The following NCKAP5 variants were observed in gnomAD, a reference collection of about 807,000 sequenced individuals.
NCKAP5 encodes nck-associated protein 5.
Under a neutral mutation model 167.0 loss-of-function variants are expected in NCKAP5, and 92 were observed. The ratio of observed to expected loss-of-function variants is 0.55; its 90% CI spans 0.47 to 0.66. NCKAP5 has a LOEUF of 0.66. Ranked by LOEUF, NCKAP5 falls within the 30% of genes least tolerant of loss-of-function variation. The pLI is 0.00. For missense variants in NCKAP5, 2,378 were observed against 2,315.0 expected, an observed-to-expected ratio of 1.03 and a Z score of -0.56; for synonymous variants, 891 against 877.4, an observed-to-expected ratio of 1.02 and a Z score of -0.27.
chr2:132,773,762 G>T, intron 16 of NCKAP5, 54 bp downstream of exon 16: 1 of 1,351,708 alleles, frequency 7.4e-7, no homozygotes, highest in Non-Finnish European at 1.0e-6. Context: ...TCTGGAAGAA[G>T]GATACATTTA....
At chr2:133,527,007 A>G (rs555274695) in intron 2 of NCKAP5, 4 of 152,220 alleles carry the variant, frequency 2.6e-5, no homozygotes, top group African/African-American at 9.6e-5. Flanking sequence ...ACATCCAAAT[A>G]TGTGGGATGC....
At chr2:132,827,583 C>A (rs1687219901) in intron 11 of NCKAP5, among the ~76,000 whole-genome samples, 1 of 152,118 alleles carries the variant, frequency 6.6e-6, no homozygotes, top group South Asian at 2.1e-4. Flanking sequence ...GCATTATTAG[C>A]CACATTTTAC....
intron 4 of NCKAP5, among the ~76,000 whole-genome samples, chr2:133,260,991 G>T (rs1387543815): frequency 6.6e-6 from 1 of 152,094 alleles, no homozygotes; most frequent in South Asian, 2.1e-4. Context: ...AAATAAACCA[G>T]AAAAATTACT....
At chr2:133,015,372 C>T (rs868765645) in intron 6 of NCKAP5, among the ~76,000 whole-genome samples, 39 of 151,444 alleles carry the variant, frequency 2.6e-4, no homozygotes, top group Middle Eastern at 3.4e-3. Flanking sequence ...TTTTTTTTCT[C>T]CTGGAGACAT....
chr2:132,942,132 T>A (rs1021497306), intron 8 of NCKAP5, among the ~76,000 whole-genome samples: 2 of 152,244 alleles, frequency 1.3e-5, no homozygotes, highest in Admixed American at 1.3e-4. Context: ...TTGATAAACA[T>A]ATCTTAATTG....
chr2:132,988,956 G>A (rs904595834), intron 7 of NCKAP5, among the ~76,000 whole-genome samples: 11 of 152,180 alleles, frequency 7.2e-5, no homozygotes, highest in South Asian at 2.1e-4. Flanking sequence ...CTTGGTAGTC[G>A]CAGAAGCTGT....
At chr2:133,453,232 T>C (rs766227892) in intron 3 of NCKAP5, among the ~76,000 whole-genome samples, 6 of 152,078 alleles carry the variant, frequency 3.9e-5, no homozygotes, top group Admixed American at 2.0e-4. Context: ...AACTAGAAAA[T>C]CCTGAAAGCA....
chr2:133,021,765 G>A (rs1280374078), intron 6 of NCKAP5, among the ~76,000 whole-genome samples: 5 of 152,134 alleles, frequency 3.3e-5, no homozygotes, highest in African/African-American at 1.2e-4. Context: ...CAAGTAGCTG[G>A]GATTACAGGT....
chr2:133,154,452 G>C (rs1038609885), intron 5 of NCKAP5, among the ~76,000 whole-genome samples: 1 of 152,202 alleles, frequency 6.6e-6, no homozygotes, highest in Non-Finnish European at 1.5e-5. Flanking sequence ...GTTGTTATTA[G>C]CACTGGTACA....
intron 11 of NCKAP5, among the ~76,000 whole-genome samples, chr2:132,815,461 G>C (rs1456521596): frequency 6.6e-6 from 1 of 152,108 alleles, no homozygotes; most frequent in Non-Finnish European, 1.5e-5. Context: ...TTAGACTGTG[G>C]GTTGGAGACT....
chr2:133,147,098 C>T (rs1478665463), intron 5 of NCKAP5, among the ~76,000 whole-genome samples: 1 of 152,156 alleles, frequency 6.6e-6, no homozygotes, highest in Non-Finnish European at 1.5e-5. Flanking sequence ...CACTTCTATG[C>T]AATAGCTCAA....
intron 18 of NCKAP5, among the ~76,000 whole-genome samples, chr2:132,726,047 C>T (rs77853449): frequency 3.3e-5 from 5 of 152,156 alleles, no homozygotes; most frequent in East Asian, 1.9e-4. Flanking sequence ...AAGGTCCCCA[C>T]GGTTACCTGG....
upstream of NCKAP5, among the ~76,000 whole-genome samples, chr2:133,569,200 T>G (rs1441420798): frequency 6.6e-6 from 1 of 152,014 alleles, no homozygotes; most frequent in African/African-American, 2.4e-5. Context: ...AAAGTGGGCC[T>G]TTTCTCCCCT....
chr2:133,005,844 T>C (rs2077947728), intron 6 of NCKAP5, among the ~76,000 whole-genome samples: 1 of 152,226 alleles, frequency 6.6e-6, no homozygotes, highest in African/African-American at 2.4e-5. Flanking sequence ...GAGGCCGTTC[T>C]CTTCTAGAAA....
chr2:133,344,015 G>C (rs1407634763), intron 3 of NCKAP5, among the ~76,000 whole-genome samples: 1 of 152,196 alleles, frequency 6.6e-6, no homozygotes, highest in Admixed American at 6.5e-5. Context: ...GTTGGGTAAG[G>C]GGCCAGAGAC....
intron 11 of NCKAP5, among the ~76,000 whole-genome samples, chr2:132,825,934 C>T (rs1687094425): frequency 6.6e-6 from 1 of 152,130 alleles, no homozygotes; most frequent in Non-Finnish European, 1.5e-5. Flanking sequence ...TGATGTAGTC[C>T]CTTCCAGGCA....
At chr2:132,735,702 C>G (rs1199133312) in intron 16 of NCKAP5, among the ~76,000 whole-genome samples, 1 of 152,170 alleles carries the variant, frequency 6.6e-6, no homozygotes, top group Non-Finnish European at 1.5e-5. Context: ...GCACTTAATC[C>G]AGTCTCCTCA....
chr2:132,834,706 C>A (rs1314966682), intron 11 of NCKAP5, among the ~76,000 whole-genome samples: 2 of 152,154 alleles, frequency 1.3e-5, no homozygotes, highest in Admixed American at 6.6e-5. Context: ...CCAGGCTAGT[C>A]TTGAACTGCT....
At chr2:132,840,330 C>T (rs948890124) in intron 11 of NCKAP5, among the ~76,000 whole-genome samples, 33 of 146,684 alleles carry the variant, frequency 2.2e-4, no homozygotes, top group African/African-American at 8.0e-4. Context: ...GGTTGGAGTG[C>T]ATTGGTGTGA....
Sources: allele counts gnomAD v4.1 joint callset (sites outside exome capture counted in the v4.1 genomes callset), GRCh38; gene constraint gnomAD v4.1.1; transcripts MANE v1.5; gene names NCBI Gene and HGNC (gene_info 2026-07-23, HGNC 2026-07-21).